The following EXOC6B variants were observed in gnomAD, a reference collection of about 807,000 sequenced individuals.
The protein encoded by EXOC6B is exocyst complex component 6B, also known as SEC15 homolog B.
In EXOC6B, 54 loss-of-function variants were observed where a neutral mutation model predicts 113.5. That is an observed-to-expected ratio of 0.48 (90% CI 0.38 to 0.60). EXOC6B has a LOEUF of 0.60. Among genes scored for constraint, EXOC6B ranks in the 20% least tolerant of loss-of-function variants. EXOC6B has a pLI of 0.00. For missense variants in EXOC6B, 797 were observed against 977.5 expected (o/e 0.82, Z 2.46); for synonymous variants, 357 against 339.0 (o/e 1.05, Z -0.58).
chr2:72,253,698 G>T (rs992695220), intron 20 of EXOC6B, among the ~76,000 whole-genome samples: 4 of 152,140 alleles, frequency 2.6e-5, no homozygotes, highest in African/African-American at 9.7e-5. Context: ...GCCTACTCCA[G>T]GGTGGAGGGT....
chr2:72,376,145 G>C (rs1691344254), intron 19 of EXOC6B, among the ~76,000 whole-genome samples: 1 of 152,140 alleles, frequency 6.6e-6, no homozygotes, highest in Non-Finnish European at 1.5e-5. Context: ...TATTGTTGTA[G>C]ACATCTTTGA....
intron 1 of EXOC6B, among the ~76,000 whole-genome samples, chr2:72,750,454 A>G (rs1316865146): frequency 6.6e-6 from 1 of 152,136 alleles, no homozygotes; most frequent in African/African-American, 2.4e-5. Context: ...TTATAGCCAT[A>G]CAGAGAAAAA....
intron 18 of EXOC6B, chr2:72,461,984 T>C (rs1349401030): frequency 6.6e-6 from 1 of 152,098 alleles, no homozygotes; most frequent in Non-Finnish European, 1.5e-5. Flanking sequence ...CCATTTTTGC[T>C]TACAAATGAA....
At chr2:72,470,888 C>T (rs1358868159) in intron 17 of EXOC6B, among the ~76,000 whole-genome samples, 1 of 152,120 alleles carries the variant, frequency 6.6e-6, no homozygotes, top group Admixed American at 6.6e-5. Context: ...TGGGTTGGTT[C>T]CAAGTCTTTG....
chr2:72,774,069 G>A (rs374277428), intron 1 of EXOC6B, among the ~76,000 whole-genome samples: 8 of 152,144 alleles, frequency 5.3e-5, no homozygotes, highest in Admixed American at 4.6e-4. Context: ...GTAACATCAG[G>A]CACTGGTCAT....
intron 1 of EXOC6B, among the ~76,000 whole-genome samples, chr2:72,765,092 A>AG (rs1346954411): frequency 1.3e-5 from 2 of 151,302 alleles, no homozygotes; most frequent in East Asian, 3.9e-4. Context: ...ATCACTACAA[A>AG]AAAAAAGGGA....
At chr2:72,620,878 G>C (rs565437737) in intron 6 of EXOC6B, among the ~76,000 whole-genome samples, 19 of 151,904 alleles carry the variant, frequency 1.3e-4, no homozygotes, top group African/African-American at 4.6e-4. Context: ...AGAAATATAA[G>C]CAACCAACAA....
intron 8 of EXOC6B, among the ~76,000 whole-genome samples, chr2:72,547,404 A>T (rs902345872): frequency 1.3e-5 from 2 of 152,230 alleles, no homozygotes; most frequent in South Asian, 4.1e-4. Flanking sequence ...AACATTAATC[A>T]AAGGTGAACA....
At chr2:72,401,288 C>T (rs1693140430) in intron 18 of EXOC6B, among the ~76,000 whole-genome samples, 1 of 149,546 alleles carries the variant, frequency 6.7e-6, no homozygotes, top group Non-Finnish European at 1.5e-5. Context: ...GTGGTGAAAC[C>T]TCATCTCTAC....
rs139804926 is a variant in EXOC6B at position 72,562,842 on chromosome 2, G to T, written c.847-3321C>A. Among the ~76,000 whole-genome samples, 65 of 152,238 alleles carry T rather than the reference G, an allele frequency of 4.3e-4. No homozygotes were observed. The East Asian group carries it at 0.012, about 28-fold the overall frequency. ...TACTGGAGTCTGTATTTTTCTAGAA[G>T]TTCAAATACATCTATGAAGATACAA... On this transcript the variant is annotated intron_variant, in intron 7 of 21. Transcript: ENST00000272427.
chr2:72,334,922 A>G (rs749516136), intron 20 of EXOC6B, 25 bp downstream of exon 20: 2 of 1,611,620 alleles, frequency 1.2e-6, no homozygotes, highest in Non-Finnish European at 1.7e-6. Context: ...AAAGAAAAAC[A>G]AAAAACAAAA....
At chr2:72,605,175 C>G (rs1381635717) in intron 6 of EXOC6B, among the ~76,000 whole-genome samples, 1 of 151,074 alleles carries the variant, frequency 6.6e-6, no homozygotes, top group Non-Finnish European at 1.5e-5. Context: ...CCCAGCTACT[C>G]GGGAGGGCTG....
intron 6 of EXOC6B, among the ~76,000 whole-genome samples, chr2:72,634,922 T>G (rs1252440205): frequency 6.6e-6 from 1 of 151,306 alleles, no homozygotes; most frequent in African/African-American, 2.4e-5. Context: ...CTGAAAATAA[T>G]GAATCTCCTA....
chr2:72,295,040 G>A (rs2104728959), intron 20 of EXOC6B, among the ~76,000 whole-genome samples: 2 of 152,046 alleles, frequency 1.3e-5, no homozygotes, highest in East Asian at 3.9e-4. Flanking sequence ...AGACCGTCCT[G>A]GCCAACATGG....
chr2:72,448,667 T>C (rs1028113872), intron 18 of EXOC6B, among the ~76,000 whole-genome samples: 4 of 152,184 alleles, frequency 2.6e-5, no homozygotes, highest in Non-Finnish European at 5.9e-5. Flanking sequence ...CAAAAATGAT[T>C]ATATTTTGTA....
intron 20 of EXOC6B, among the ~76,000 whole-genome samples, chr2:72,226,455 A>T (rs1036188651): frequency 2.6e-5 from 4 of 152,224 alleles, no homozygotes; most frequent in Non-Finnish European, 5.9e-5. Flanking sequence ...AAACAGAGCG[A>T]AAAAGACAAG....
intron 18 of EXOC6B, among the ~76,000 whole-genome samples, chr2:72,431,048 T>C (rs1335365709): frequency 4.6e-5 from 7 of 152,104 alleles, no homozygotes; most frequent in Admixed American, 4.6e-4. Context: ...TTGTTGGGGG[T>C]TGCATGTTAT....
intron 6 of EXOC6B, among the ~76,000 whole-genome samples, chr2:72,628,873 A>G (rs1037816049): frequency 6.6e-6 from 1 of 152,204 alleles, no homozygotes; most frequent in Non-Finnish European, 1.5e-5. Context: ...TATAAAGTAC[A>G]TATATATACT....
intron 6 of EXOC6B, among the ~76,000 whole-genome samples, chr2:72,620,440 C>T (rs1388606069): frequency 6.8e-6 from 1 of 146,922 alleles, no homozygotes; most frequent in Non-Finnish European, 1.5e-5. Flanking sequence ...TAACCCTGAA[C>T]TTAAAATAAA....
Sources: gnomAD v4.1 joint callset for allele counts (sites outside exome capture counted in the v4.1 genomes callset) on GRCh38, gnomAD v4.1.1 for gene constraint, MANE v1.5 for transcripts, NCBI Gene and HGNC (gene_info 2026-07-23, HGNC 2026-07-21) for gene names.